The following CCDC146 variants were observed in gnomAD, a reference collection of about 807,000 sequenced individuals.
The protein encoded by CCDC146 is coiled-coil domain-containing protein 146.
A neutral mutation model predicts 119.3 loss-of-function variants in CCDC146; 92 were observed. The observed-to-expected ratio is 0.77, with a 90% confidence interval of 0.65 to 0.92. The LOEUF (loss-of-function observed/expected upper bound fraction) is 0.92, where lower values mean the gene tolerates loss of function less well. CCDC146 is among the 40% of genes least tolerant of loss of function. The pLI, the probability that CCDC146 is intolerant of heterozygous loss-of-function variation, is 0.00. For synonymous variants in CCDC146, 372 were observed against 371.8 expected (o/e 1.00, Z -0.01); for missense variants, 1,000 against 1,103.0 (o/e 0.91, Z 1.32).
chr7:77,211,701 C>G (rs1188960739), intron 2 of CCDC146, among the ~76,000 whole-genome samples: 1 of 151,972 alleles, frequency 6.6e-6, no homozygotes, highest in Non-Finnish European at 1.5e-5. Flanking sequence ...CTGTAACCTC[C>G]ACCTCCTGGA....
At chr7:77,150,376 T>C (rs1484182135) in intron 1 of CCDC146, among the ~76,000 whole-genome samples, 1 of 152,158 alleles carries the variant, frequency 6.6e-6, no homozygotes, top group Admixed American at 6.5e-5. Flanking sequence ...GGCAACCTAA[T>C]TATGTTTAAT....
intron 11 of CCDC146, 27 bp from the exon 12 acceptor site, chr7:77,278,725 T>G (rs922426981): frequency 6.7e-7 from 1 of 1,490,778 alleles, no homozygotes; most frequent in Non-Finnish European, 9.3e-7. Flanking sequence ...TGTTGTTATT[T>G]ATTTCACATT....
At chr7:77,181,556 G>C (rs549336294) in intron 2 of CCDC146, among the ~76,000 whole-genome samples, 1 of 152,144 alleles carries the variant, frequency 6.6e-6, no homozygotes, top group Non-Finnish European at 1.5e-5. Context: ...GTACATGTAC[G>C]GTCTTAGTAC....
In CCDC146 at chr7:77,141,988, C is replaced by T. The variant is rs187632296; in HGVS notation, c.-12+19256C>T. On this transcript the variant is annotated intron_variant, in intron 1 of 18. Transcript: ENST00000285871. ...GGTGTCTTAGTCATGAAGTCTTTGC[C>T]CATGCCTATGTCCTGAATGGTATTG... Among the ~76,000 whole-genome samples, 432 of 152,184 alleles carry T rather than the reference C, an allele frequency of 2.8e-3. 2 individuals are homozygous for T. The highest frequency in any genetic ancestry group is 1.0e-2 in the African/African-American group (414 of 41,532).
intron 1 of CCDC146, among the ~76,000 whole-genome samples, chr7:77,127,011 A>T (rs1157255096): frequency 6.6e-6 from 1 of 152,058 alleles, no homozygotes; most frequent in Non-Finnish European, 1.5e-5. Context: ...CCAAGATCTG[A>T]GCCAGCTCCA....
At chr7:77,180,385 G>A (rs1791568628) in intron 2 of CCDC146, among the ~76,000 whole-genome samples, 1 of 152,106 alleles carries the variant, frequency 6.6e-6, no homozygotes, top group Admixed American at 6.6e-5. Context: ...ATTATGATAG[G>A]CATGCAAATA....
At chr7:77,276,598 A>C (rs951992255) in intron 11 of CCDC146, among the ~76,000 whole-genome samples, 2 of 152,184 alleles carry the variant, frequency 1.3e-5, no homozygotes, top group Non-Finnish European at 2.9e-5. Context: ...CATGTTAAAC[A>C]ATTTAGACTC....
intron 11 of CCDC146, among the ~76,000 whole-genome samples, chr7:77,277,691 C>T (rs1793675795): frequency 6.6e-6 from 1 of 152,094 alleles, no homozygotes; most frequent in Non-Finnish European, 1.5e-5. Flanking sequence ...CTTAAATATT[C>T]GTTTCTTCCT....
intron 2 of CCDC146, among the ~76,000 whole-genome samples, chr7:77,176,098 C>T (rs1342795842): frequency 6.6e-6 from 1 of 151,102 alleles, no homozygotes; most frequent in African/African-American, 2.5e-5. Context: ...TTTCTTCGTC[C>T]ATACCCATGT....
chr7:77,205,849 T>G (rs1792071701), intron 2 of CCDC146, among the ~76,000 whole-genome samples: 1 of 152,240 alleles, frequency 6.6e-6, no homozygotes, highest in African/African-American at 2.4e-5. Flanking sequence ...TTTCTTAAAA[T>G]GTCTTTTCTT....
chr7:77,293,952 G>A (rs1053916399), intron 18 of CCDC146, among the ~76,000 whole-genome samples: 2 of 152,222 alleles, frequency 1.3e-5, no homozygotes, highest in Non-Finnish European at 2.9e-5. Context: ...TGTAAATTAC[G>A]TGATTTATAA....
At chr7:77,232,473 T>G (rs1006281593) in intron 2 of CCDC146, among the ~76,000 whole-genome samples, 4 of 152,252 alleles carry the variant, frequency 2.6e-5, no homozygotes, top group Non-Finnish European at 4.4e-5. Context: ...ACTATTAGCC[T>G]ACTCTGTTAG....
chr7:77,239,120 T>TCTA (rs1258215002), intron 3 of CCDC146, among the ~76,000 whole-genome samples: 3 of 152,176 alleles, frequency 2.0e-5, no homozygotes, highest in Non-Finnish European at 2.9e-5. Flanking sequence ...TAAAGTCTCT[T>TCTA]CTACTGGTAT....
intron 6 of CCDC146, chr7:77,257,108 AAAC>A (rs1013395848): frequency 1.2e-4 from 18 of 153,320 alleles, no homozygotes; most frequent in South Asian, 4.1e-4. Flanking sequence ...TCCCTCTCAA[AAAC>A]AACAACAACA....
intron 2 of CCDC146, among the ~76,000 whole-genome samples, chr7:77,192,040 C>T (rs1301903545): frequency 6.6e-6 from 1 of 152,006 alleles, no homozygotes; most frequent in Non-Finnish European, 1.5e-5. Flanking sequence ...AATTCTCCTG[C>T]CTCAGCTTCC....
Position 77,274,670 on chromosome 7 carries a change from A to C in CCDC146, c.1440+18A>C. The stretch of plus-strand genomic sequence containing the variant: ...AAGCTCAGGTAACTGCATTTTTTTA[A>C]CCATTCATTGATAACTACAAGAGTT... On this transcript the variant is annotated intron_variant, in intron 11 of 18. Coordinates refer to ENST00000285871, the MANE Select transcript of CCDC146 (RefSeq NM_020879.3). 6.3e-7 allele frequency: 1 copy of C among 1,597,686 alleles called. No individual in the cohort carries two copies. Among genetic ancestry groups the C allele is most frequent in the South Asian group, 1.1e-5 (1 of 89,084 alleles).
At chr7:77,129,336 T>C (rs576798326) in intron 1 of CCDC146, among the ~76,000 whole-genome samples, 5 of 152,146 alleles carry the variant, frequency 3.3e-5, no homozygotes, top group African/African-American at 1.2e-4. Context: ...CTTATTTTAC[T>C]TAATAATGGC....
At chr7:77,283,874 AT>A (rs1793804755) in intron 15 of CCDC146, among the ~76,000 whole-genome samples, 1 of 152,068 alleles carries the variant, frequency 6.6e-6, no homozygotes, top group African/African-American at 2.4e-5. Context: ...AAATATGCCA[AT>A]GTTCTGATTC....
At chr7:77,271,053 A>G (rs1326486236) in intron 9 of CCDC146, among the ~76,000 whole-genome samples, 4 of 10,906 alleles carry the variant, frequency 3.7e-4, no homozygotes, top group Non-Finnish European at 4.1e-4. Context: ...GCAGCTCTGG[A>G]AAAAAAAAAA....
Sources: allele counts gnomAD v4.1 joint callset (sites outside exome capture counted in the v4.1 genomes callset), GRCh38; gene constraint gnomAD v4.1.1; transcripts MANE v1.5; gene names NCBI Gene and HGNC (gene_info 2026-07-23, HGNC 2026-07-21).